Variants in PPP1R12B observed in about 807,000 individuals in gnomAD.
PPP1R12B encodes the protein protein phosphatase 1 regulatory subunit 12B.
In PPP1R12B, 76 loss-of-function variants were observed where a neutral mutation model predicts 126.1. The ratio of observed to expected loss-of-function variants is 0.60; its 90% CI spans 0.50 to 0.73. PPP1R12B has a LOEUF of 0.73. PPP1R12B is among the 30% of genes least tolerant of loss of function. The pLI is 0.00. For synonymous variants in PPP1R12B, 356 were observed against 434.7 expected, an observed-to-expected ratio of 0.82 and a Z score of 2.25; for missense variants, 1,052 against 1,205.1, an observed-to-expected ratio of 0.87 and a Z score of 1.88.
Position 202,582,730 on chromosome 1 carries a change from A to G in PPP1R12B, c.*2170A>G, listed in dbSNP as rs1689616154. ...GAAACCCAATCTCTACTAAAAATAC[A>G]AAAAATTAGCCAGGCGTGGTGGCAG... is the stretch of plus-strand genomic sequence containing the variant. On this transcript the variant is annotated 3_prime_UTR_variant, in exon 24 of 24. Coordinates refer to ENST00000608999, the MANE Select transcript of PPP1R12B (RefSeq NM_002481.4). 2 of 152,104 alleles carry G rather than the reference A, an allele frequency of 1.3e-5. No individual in the cohort carries two copies. Among genetic ancestry groups the G allele is most frequent in the Non-Finnish European group, 2.9e-5 (2 of 68,042 alleles). 9.4% of individuals were successfully genotyped at this position (152,104 alleles called of 1,614,324 possible). A position where few individuals can be genotyped will look rare whatever the true frequency, so the allele number is the denominator to read the frequency against.
chr1:202,503,421 C>G (rs1014248972), intron 18 of PPP1R12B, among the ~76,000 whole-genome samples: 6 of 152,140 alleles, frequency 3.9e-5, no homozygotes, highest in Non-Finnish European at 7.3e-5. Context: ...TCTAATAGGT[C>G]TGATTGACAT....
At chr1:202,423,111 G>A (rs1669028892) in intron 3 of PPP1R12B, among the ~76,000 whole-genome samples, 1 of 152,294 alleles carries the variant, frequency 6.6e-6, no homozygotes, top group African/African-American at 2.4e-5. Context: ...CTTTTCCCTT[G>A]TTGAGAGCTA....
At chr1:202,460,784 G>A (rs1318678601) in intron 13 of PPP1R12B, among the ~76,000 whole-genome samples, 1 of 152,110 alleles carries the variant, frequency 6.6e-6, no homozygotes, top group African/African-American at 2.4e-5. Flanking sequence ...ATTATGCTGT[G>A]GGACTCTGAA....
chr1:202,420,600 C>G (rs992583239), intron 2 of PPP1R12B, among the ~76,000 whole-genome samples: 32 of 152,118 alleles, frequency 2.1e-4, no homozygotes, highest in African/African-American at 7.0e-4. Flanking sequence ...TTTGATATTT[C>G]AGGGTTGGGG....
intron 1 of PPP1R12B, among the ~76,000 whole-genome samples, chr1:202,405,310 T>A (rs1211258571): frequency 1.3e-5 from 2 of 152,172 alleles, no homozygotes; most frequent in Non-Finnish European, 2.9e-5. Context: ...TTTCCTCTAA[T>A]CCTAACTTAA....
intron 13 of PPP1R12B, among the ~76,000 whole-genome samples, chr1:202,486,544 G>A (rs1259232787): frequency 1.3e-5 from 2 of 152,158 alleles, no homozygotes; most frequent in Admixed American, 6.5e-5. Flanking sequence ...AGTGGCTCAC[G>A]CCTATAAACC....
At chr1:202,456,574 G>C (rs961385207) in intron 13 of PPP1R12B, among the ~76,000 whole-genome samples, 2 of 151,856 alleles carry the variant, frequency 1.3e-5, no homozygotes, top group African/African-American at 4.8e-5. Context: ...ACCTACTAAG[G>C]CTGCAAGTTG....
At chr1:202,414,928 G>A (rs922031438) in intron 1 of PPP1R12B, among the ~76,000 whole-genome samples, 12 of 152,008 alleles carry the variant, frequency 7.9e-5, no homozygotes, top group Non-Finnish European at 1.0e-4. Context: ...GACTACACGT[G>A]CGTGCCACCA....
intron 1 of PPP1R12B, among the ~76,000 whole-genome samples, chr1:202,351,260 T>G (rs934314345): frequency 3.3e-5 from 5 of 149,396 alleles, no homozygotes; most frequent in African/African-American, 1.2e-4. Context: ...AAAAAAACAG[T>G]GTCTCACTGT....
chr1:202,472,760 A>T (rs762730212), intron 13 of PPP1R12B, among the ~76,000 whole-genome samples: 2 of 152,264 alleles, frequency 1.3e-5, no homozygotes, highest in Non-Finnish European at 2.9e-5. Context: ...TGTCTAGAGC[A>T]GGGATCAGCA....
chr1:202,369,006 C>G (rs1335079588), intron 1 of PPP1R12B, among the ~76,000 whole-genome samples: 1 of 152,220 alleles, frequency 6.6e-6, no homozygotes, highest in East Asian at 1.9e-4. Flanking sequence ...GCATGAGCCA[C>G]TATGCCCAGC....
intron 13 of PPP1R12B, 27 bp from the exon 14 acceptor site, chr1:202,488,506 T>G (rs753268587): frequency 5.3e-6 from 8 of 1,520,764 alleles, no homozygotes; most frequent in South Asian, 1.2e-5. Flanking sequence ...AGATCTTGCT[T>G]TTGCTATTAC....
rs1469281357 is a variant in PPP1R12B, at chr1:202,567,882, ACT to A, written c.2811+57_2811+58del. Reference sequence around the variant, plus strand: ...CACCCCATTTCATCTCTTCTTTCTGACTCTCTCCCACTTTGTTATTCATGCCA... The same window carrying A: ...CACCCCATTTCATCTCTTCTTTCTGACTCTCCCACTTTGTTATTCATGCCA... On this transcript the variant is annotated intron_variant, in intron 22 of 23. Transcript: ENST00000608999. The A allele has an allele frequency of 3.1e-6, 5 of 1,589,020 alleles. No individual in the cohort carries two copies. In the South Asian group the frequency reaches 3.3e-5, roughly 11 times the overall value.
intron 23 of PPP1R12B, among the ~76,000 whole-genome samples, chr1:202,577,462 A>C (rs927647126): frequency 2.6e-5 from 4 of 152,086 alleles, no homozygotes; most frequent in African/African-American, 9.7e-5. Context: ...AAACCCTAAG[A>C]TACTTATTGT....
intron 1 of PPP1R12B, among the ~76,000 whole-genome samples, chr1:202,365,712 G>T (rs1014319052): frequency 2.6e-5 from 4 of 152,040 alleles, no homozygotes; most frequent in African/African-American, 9.7e-5. Context: ...TCTCCATTTA[G>T]ACCTCTTTAT....
chr1:202,460,927 C>A (rs750604959), intron 13 of PPP1R12B, among the ~76,000 whole-genome samples: 1 of 152,060 alleles, frequency 6.6e-6, no homozygotes, highest in African/African-American at 2.4e-5. Context: ...TCATATGGCA[C>A]CTCTATGTAA....
At chr1:202,442,423 T>C (rs1336465866) in intron 11 of PPP1R12B, 24 bp from the exon 12 acceptor site, 1 of 1,599,828 alleles carries the variant, frequency 6.3e-7, no homozygotes, top group Non-Finnish European at 8.5e-7. Context: ...ATCAGTGTTT[T>C]GTTTTCCTTT....
chr1:202,510,744 G>T (rs1681372987), intron 18 of PPP1R12B, among the ~76,000 whole-genome samples: 1 of 151,724 alleles, frequency 6.6e-6, no homozygotes, highest in East Asian at 1.9e-4. Flanking sequence ...ATGCATTAGA[G>T]ATGCAAAAAT....
chr1:202,361,991 T>G (rs990560497), intron 1 of PPP1R12B, among the ~76,000 whole-genome samples: 4 of 152,150 alleles, frequency 2.6e-5, no homozygotes, highest in Admixed American at 6.5e-5. Context: ...TAATTGAATG[T>G]GAATTTCACA....
Sources: allele counts gnomAD v4.1 joint callset (sites outside exome capture counted in the v4.1 genomes callset), GRCh38; gene constraint gnomAD v4.1.1; transcripts MANE v1.5; gene names NCBI Gene and HGNC (gene_info 2026-07-23, HGNC 2026-07-21).